The following TBX19 variants were observed in gnomAD, a reference collection of about 807,000 sequenced individuals.
The protein encoded by TBX19 is T-box transcription factor 19.
TBX19 carries 33 observed loss-of-function variants against 40.9 expected under a neutral mutation model. The ratio of observed to expected loss-of-function variants is 0.81; its 90% CI spans 0.61 to 1.08. The LOEUF is 1.08. TBX19 is among the 50% of genes least tolerant of loss of function. TBX19 has a pLI of 0.00. For synonymous variants in TBX19, 220 were observed against 225.0 expected (o/e 0.98, Z 0.20); for missense variants, 494 against 574.0 (o/e 0.86, Z 1.42).
chr1:168,294,338 CTT>C (rs71118921), intron 3 of TBX19, among the ~76,000 whole-genome samples: 3 of 145,630 alleles, frequency 2.1e-5, no homozygotes, highest in Non-Finnish European at 3.0e-5. Flanking sequence ...CAACTGTTTT[CTT>C]TTTTTTTTTT....
chr1:168,308,852 A>G lies in TBX19; in HGVS notation c.1027A>G (p.Asn343Asp), dbSNP rs1333020626. The G allele has an allele frequency of 1.9e-6, 3 of 1,614,066 alleles. No individual in the cohort carries two copies. In the East Asian group the frequency reaches 6.7e-5, roughly 36 times the overall value. ...CAGCATCCTGTCTGTACCCCACACC[A>G]ACGGACCAATCAATCCAGGGCCCAG... ...HASILSVPHT[N>D]GPINPGPSPY... The change falls in exon 7 of 8, where the codon AAC becomes GAC. Residue 343 changes from asparagine to aspartate, a missense_variant. Coordinates refer to ENST00000367821, the MANE Select transcript of TBX19 (RefSeq NM_005149.3).
At chr1:168,295,462 A>G (rs1649081757) in intron 3 of TBX19, among the ~76,000 whole-genome samples, 1 of 152,208 alleles carries the variant, frequency 6.6e-6, no homozygotes. Context: ...CCAGGTTTGG[A>G]AGCTACTGTC....
intron 1 of TBX19, among the ~76,000 whole-genome samples, chr1:168,282,132 T>A (rs1051939478): frequency 1.3e-5 from 2 of 152,238 alleles, no homozygotes; most frequent in Non-Finnish European, 2.9e-5. Context: ...TAGCTTTTCA[T>A]ACACATGGTC....
At chr1:168,287,480 A>T (rs994679316) in intron 1 of TBX19, among the ~76,000 whole-genome samples, 2 of 151,856 alleles carry the variant, frequency 1.3e-5, no homozygotes, top group Non-Finnish European at 2.9e-5. Context: ...TTTTTTTTTA[A>T]TAGAGATGGG....
chr1:168,305,570 T>C (rs1162621311), intron 6 of TBX19, among the ~76,000 whole-genome samples: 1 of 152,192 alleles, frequency 6.6e-6, no homozygotes, highest in Non-Finnish European at 1.5e-5. Context: ...TTTTCTATAG[T>C]TGCATTCATG....
At chr1:168,286,315 G>C (rs552844865) in intron 1 of TBX19, among the ~76,000 whole-genome samples, 1 of 152,214 alleles carries the variant, frequency 6.6e-6, no homozygotes, top group Non-Finnish European at 1.5e-5. Flanking sequence ...GTAATTCGCA[G>C]AGTTGTGCAT....
intron 3 of TBX19, among the ~76,000 whole-genome samples, chr1:168,297,112 A>G (rs992204196): frequency 1.3e-5 from 2 of 151,988 alleles, no homozygotes; most frequent in African/African-American, 2.4e-5. Context: ...CTATCTATCT[A>G]TACGTCAGAT....
chr1:168,286,122 G>T (rs970892086), intron 1 of TBX19, among the ~76,000 whole-genome samples: 1 of 152,148 alleles, frequency 6.6e-6, no homozygotes, highest in South Asian at 2.1e-4. Context: ...TAATTATAAA[G>T]TTCTTGGCAA....
intron 6 of TBX19, among the ~76,000 whole-genome samples, chr1:168,306,298 T>C (rs1363533138): frequency 1.3e-5 from 2 of 152,156 alleles, no homozygotes; most frequent in Non-Finnish European, 2.9e-5. Context: ...CTGTGTACCG[T>C]GTTCTTCTAG....
chr1:168,313,095 A>C lies in TBX19; in HGVS notation c.*93A>C. ...CTGATCTAGTGAGTCAGACTGTGGA[A>C]TCTCCCTTCCCACTAGCTGGAGGTG... On this transcript the variant is annotated 3_prime_UTR_variant, in exon 8 of 8. Transcript: ENST00000367821. 1 of 1,498,682 alleles carries C rather than the reference A, an allele frequency of 6.7e-7. No homozygotes were observed. The highest frequency in any genetic ancestry group is 9.2e-7 in the Non-Finnish European group (1 of 1,082,430). 92.8% of individuals were successfully genotyped at this position (1,498,682 alleles called of 1,614,324 possible). A position where few individuals can be genotyped will look rare whatever the true frequency, so the allele number is the denominator to read the frequency against.
intron 4 of TBX19, 73 bp from the exon 5 acceptor site, chr1:168,300,349 A>AT (rs1423652959): frequency 1.3e-5 from 18 of 1,402,874 alleles, no homozygotes; most frequent in Non-Finnish European, 1.5e-5. Context: ...TTCAAGGAGA[A>AT]TTTTGGGTAT....
In TBX19 at chr1:168,300,450, A is replaced by G. The variant is rs1649249356; in HGVS notation, c.694A>G (p.Ile232Val). ...RNHLRDVPEAISESQHVTYSH... is the reference protein window; with the variant it reads ...RNHLRDVPEAVSESQHVTYSH... Reference sequence around the variant, plus strand: ...TCACCTAAGAGACGTACCGGAGGCTATCTCTGAGAGCCAGCATGTGACCTA... The same window carrying G: ...TCACCTAAGAGACGTACCGGAGGCTGTCTCTGAGAGCCAGCATGTGACCTA... Residue 232 changes from isoleucine (I) to valine (V), a missense_variant, in exon 5 of 8, where the codon ATC (isoleucine) becomes GTC (valine). By Grantham distance (29) the Ile-to-Val change is conservative (BLOSUM62 3). Coordinates refer to ENST00000367821, the MANE Select transcript of TBX19 (RefSeq NM_005149.3). 6.2e-7 allele frequency: 1 copy of G among 1,614,164 alleles called. No individual in the cohort carries two copies. Among genetic ancestry groups the G allele is most frequent in the South Asian group, 1.1e-5 (1 of 91,074 alleles).
intron 3 of TBX19, among the ~76,000 whole-genome samples, chr1:168,296,706 T>C (rs868628301): frequency 6.6e-6 from 1 of 152,104 alleles, no homozygotes; most frequent in African/African-American, 2.4e-5. Flanking sequence ...CTCAGATCCT[T>C]GCTGACATAA....
intron 7 of TBX19, among the ~76,000 whole-genome samples, chr1:168,312,410 A>G (rs982571078): frequency 2.0e-5 from 3 of 152,218 alleles, no homozygotes; most frequent in Non-Finnish European, 4.4e-5. Context: ...TGCCAATTTT[A>G]CATAGGCTGC....
In TBX19 at chr1:168,280,979, C is replaced by A; in HGVS notation, c.-112C>A. On this transcript the variant is annotated 5_prime_UTR_variant, in exon 1 of 8. Transcript: ENST00000367821. ...AGGCAAGAGCCAGGGTATCTTCTCT[C>A]CGCTCCCCAAGCACTGTTCAAGTGG... The A allele has an allele frequency of 9.8e-7, 1 of 1,016,462 alleles. No individual in the cohort carries two copies. Among genetic ancestry groups the A allele is most frequent in the Non-Finnish European group, 1.5e-6 (1 of 663,638 alleles). The allele number at this position is 1,016,462 out of a possible 1,614,324, so 63.0% of individuals were successfully genotyped here. A position where few individuals can be genotyped will look rare whatever the true frequency, so the allele number is the denominator to read the frequency against.
chr1:168,305,483 C>A (rs938366606), intron 6 of TBX19, among the ~76,000 whole-genome samples: 1 of 152,196 alleles, frequency 6.6e-6, no homozygotes, highest in Non-Finnish European at 1.5e-5. Flanking sequence ...ATATTCTGAG[C>A]AGTTCAGGCA....
intron 1 of TBX19, among the ~76,000 whole-genome samples, chr1:168,290,380 A>G (rs1648907872): frequency 6.6e-6 from 1 of 152,224 alleles, no homozygotes; most frequent in Non-Finnish European, 1.5e-5. Context: ...TGCTTAGTTA[A>G]ATGATAATCC....
At chr1:168,286,447 A>C (rs1219780825) in intron 1 of TBX19, among the ~76,000 whole-genome samples, 2 of 152,254 alleles carry the variant, frequency 1.3e-5, no homozygotes, top group East Asian at 3.8e-4. Context: ...TACCTATTTC[A>C]TATCATGGAC....
intron 1 of TBX19, among the ~76,000 whole-genome samples, chr1:168,288,559 G>A (rs921602965): frequency 6.6e-5 from 10 of 152,012 alleles, no homozygotes; most frequent in African/African-American, 2.2e-4. Context: ...AAAGTGTCTC[G>A]CCTTAAGTCA....
Sources: gnomAD v4.1 joint callset for allele counts (sites outside exome capture counted in the v4.1 genomes callset) on GRCh38, gnomAD v4.1.1 for gene constraint, MANE v1.5 for transcripts, NCBI Gene and HGNC (gene_info 2026-07-23, HGNC 2026-07-21) for gene names.